The following TRPM3 variants were observed in gnomAD, a reference collection of about 807,000 sequenced individuals.
The protein encoded by TRPM3 is transient receptor potential cation channel subfamily M member 3, also known as long transient receptor potential channel 3.
A neutral mutation model predicts 181.2 loss-of-function variants in TRPM3; 77 were observed. The observed-to-expected ratio is 0.42, with a 90% confidence interval of 0.35 to 0.51. The LOEUF (loss-of-function observed/expected upper bound fraction) is 0.51, where lower values mean the gene tolerates loss of function less well. TRPM3 is among the 20% of genes least tolerant of loss of function. The pLI is 0.01. For missense variants in TRPM3, 1,759 were observed against 2,196.7 expected (o/e 0.80, Z 3.98); for synonymous variants, 745 against 796.4 (o/e 0.94, Z 1.09).
chr9:70,620,721 C>A (rs1430393442), intron 15 of TRPM3, among the ~76,000 whole-genome samples: 11 of 151,960 alleles, frequency 7.2e-5, no homozygotes, highest in Admixed American at 7.2e-4. Context: ...ATAAGGACAT[C>A]CTAGATTTTT....
chr9:70,799,412 G>A (rs1262648674), intron 6 of TRPM3, among the ~76,000 whole-genome samples: 1 of 152,174 alleles, frequency 6.6e-6, no homozygotes, highest in Admixed American at 6.5e-5. Context: ...TTGATTATCT[G>A]GACATCTTTT....
In TRPM3 at chr9:70,557,246, T is replaced by C. The variant is rs183722230; in HGVS notation, c.3224-3936A>G. Among the ~76,000 whole-genome samples the C allele has an allele frequency of 1.8e-4, 27 of 152,274 alleles. No individual in the cohort carries two copies. The East Asian group carries it at 4.1e-3, about 23-fold the overall frequency. On this transcript the variant is annotated intron_variant, in intron 22 of 25. Coordinates refer to ENST00000677713, the MANE Select transcript of TRPM3 (RefSeq NM_001366145.2). ...TGTGATAGTCCCTCTAGCCTGGCCA[T>C]ACAGAGCAGTCTGGTAGTCAGGACC...
At chr9:70,984,289 A>G (rs2097397448) in intron 1 of TRPM3, among the ~76,000 whole-genome samples, 1 of 152,188 alleles carries the variant, frequency 6.6e-6, no homozygotes, top group African/African-American at 2.4e-5. Flanking sequence ...TACCCATTCT[A>G]AAGTTCTTTC....
intron 1 of TRPM3, among the ~76,000 whole-genome samples, chr9:71,444,125 G>A (rs2094171853): frequency 7.1e-6 from 1 of 140,448 alleles, no homozygotes; most frequent in East Asian, 2.1e-4. Flanking sequence ...GTTGCAGTGA[G>A]CCAAGATTGT....
At chr9:71,235,715 G>A (rs1232233118) in intron 1 of TRPM3, among the ~76,000 whole-genome samples, 1 of 152,154 alleles carries the variant, frequency 6.6e-6, no homozygotes, top group Non-Finnish European at 1.5e-5. Flanking sequence ...GGGACTCTGA[G>A]ACTCAGATAT....
At chr9:71,278,540 A>T (rs2084402673) in intron 1 of TRPM3, among the ~76,000 whole-genome samples, 1 of 152,244 alleles carries the variant, frequency 6.6e-6, no homozygotes. Context: ...CAATTCTTAA[A>T]CAGTATAGGT....
At chr9:71,394,895 T>C (rs2093153632) in intron 1 of TRPM3, among the ~76,000 whole-genome samples, 1 of 152,184 alleles carries the variant, frequency 6.6e-6, no homozygotes, top group Non-Finnish European at 1.5e-5. Flanking sequence ...AAATTCAAAC[T>C]GTCCACAGGA....
rs143476320 is a variant in TRPM3 at position 70,536,160 on chromosome 9, C to T, written c.4953G>A (p.Ser1651=). Reference sequence around the variant, plus strand: ...CATATGGCGCACTTGGCTCCTCTGCCGAGTAGCTGTTGGCGCGCTCTATCT... The same window carrying T: ...CATATGGCGCACTTGGCTCCTCTGCTGAGTAGCTGTTGGCGCGCTCTATCT... ...VPKIERANSY[S]AEEPSAPYAH... is the part of the protein sequence containing the mutation. Residue 1651 remains serine (S), a synonymous_variant, in exon 26 of 26, where the codon TCG becomes TCA. Transcript: ENST00000677713. The T allele has an allele frequency of 2.7e-4, 428 of 1,614,050 alleles. No homozygotes were observed. The highest frequency in any genetic ancestry group is 4.9e-4 in the Middle Eastern group (3 of 6,084).
intron 1 of TRPM3, among the ~76,000 whole-genome samples, chr9:71,087,631 T>C (rs774170142): frequency 3.9e-5 from 6 of 152,074 alleles, no homozygotes; most frequent in Non-Finnish European, 8.8e-5. Context: ...ACTGGGTACA[T>C]TCTTTATTAA....
intron 1 of TRPM3, among the ~76,000 whole-genome samples, chr9:71,291,242 G>A (rs1300239437): frequency 6.6e-6 from 1 of 152,054 alleles, no homozygotes; most frequent in African/African-American, 2.4e-5. Flanking sequence ...TCCAAAATTG[G>A]GAGATTCACA....
intron 1 of TRPM3, among the ~76,000 whole-genome samples, chr9:71,266,011 G>A (rs2083370667): frequency 6.6e-6 from 1 of 152,122 alleles, no homozygotes; most frequent in Non-Finnish European, 1.5e-5. Flanking sequence ...TCTCTGGCTG[G>A]ATAAAGATAA....
At chr9:70,798,353 G>T (rs1199839909) in intron 6 of TRPM3, among the ~76,000 whole-genome samples, 2 of 152,086 alleles carry the variant, frequency 1.3e-5, no homozygotes, top group Non-Finnish European at 2.9e-5. Context: ...CCATGCCTGG[G>T]CCCCTCGGGG....
At chr9:71,289,643 A>C (rs1279544661) in intron 1 of TRPM3, among the ~76,000 whole-genome samples, 1 of 152,056 alleles carries the variant, frequency 6.6e-6, no homozygotes, top group Non-Finnish European at 1.5e-5. Context: ...CAAGGTGGGC[A>C]TATCACTTGA....
rs1588785861 is a variant in TRPM3, at chr9:71,387,397, A to C, written c.183+59256T>G. Among the ~76,000 whole-genome samples the C allele has an allele frequency of 2.6e-5, 4 of 152,310 alleles. No homozygotes were observed. The South Asian group carries it at 8.3e-4, about 32-fold the overall frequency. On this transcript the variant is annotated intron_variant, in intron 1 of 24. Coordinates refer to the TRPM3 transcript ENST00000357533. ...TCAGGGAAGGACCTAGTGTTTATAGAGCCACAGATGTTCAAAAGTGACAGA... is the reference window on the plus strand; with the variant it reads ...TCAGGGAAGGACCTAGTGTTTATAGCGCCACAGATGTTCAAAAGTGACAGA...
chr9:71,351,887 T>G (rs2091654288), intron 1 of TRPM3, among the ~76,000 whole-genome samples: 1 of 148,968 alleles, frequency 6.7e-6, no homozygotes, highest in Non-Finnish European at 1.5e-5. Context: ...TTTTTTTTTT[T>G]TTTTTTGAGA....
intron 1 of TRPM3, among the ~76,000 whole-genome samples, chr9:71,252,065 A>G (rs1465210198): frequency 6.6e-6 from 1 of 152,088 alleles, no homozygotes; most frequent in African/African-American, 2.4e-5. Flanking sequence ...ATAGTATTCC[A>G]TTTCCTTATT....
At chr9:71,263,947 T>C (rs988465596) in intron 1 of TRPM3, among the ~76,000 whole-genome samples, 5 of 152,108 alleles carry the variant, frequency 3.3e-5, no homozygotes, top group African/African-American at 1.2e-4. Flanking sequence ...GTCCAGCTAA[T>C]TTTTATTAAA....
In TRPM3 at chr9:71,341,831, T is replaced by C. The variant is rs184466781; in HGVS notation, c.183+104822A>G. 3.8e-3 allele frequency among the ~76,000 whole-genome samples: 572 copies of C among 152,070 alleles called. 1 individual carries two copies. The highest frequency in any genetic ancestry group is 8.3e-3 in the Admixed American group (126 of 15,250). ...GTGGAGAAAAGTATATATGAGGACATTCCACTTTTGTGTATCTTCTGCATT... is the reference window on the plus strand; with the variant it reads ...GTGGAGAAAAGTATATATGAGGACACTCCACTTTTGTGTATCTTCTGCATT... On this transcript the variant is annotated intron_variant, in intron 1 of 24. Coordinates refer to the TRPM3 transcript ENST00000357533.
chr9:71,046,244 C>T (rs1205455027), intron 1 of TRPM3, among the ~76,000 whole-genome samples: 3 of 152,160 alleles, frequency 2.0e-5, no homozygotes, highest in Admixed American at 1.3e-4. Flanking sequence ...CTCGGCCTCC[C>T]AAAGTGCTGG....
Sources: allele counts gnomAD v4.1 joint callset (sites outside exome capture counted in the v4.1 genomes callset), GRCh38; gene constraint gnomAD v4.1.1; transcripts MANE v1.5; gene names NCBI Gene and HGNC (gene_info 2026-07-23, HGNC 2026-07-21).